ACOX2: variants seen among roughly 807,000 people sequenced by gnomAD.
The protein encoded by ACOX2 is acyl-CoA oxidase 2.
In ACOX2, 59 loss-of-function variants were observed where a neutral mutation model predicts 77.5. The ratio of observed to expected loss-of-function variants is 0.76; its 90% CI spans 0.62 to 0.95. ACOX2 has a LOEUF of 0.95. ACOX2 is among the 40% of genes least tolerant of loss of function. The pLI is 0.00. For missense variants in ACOX2, 837 were observed against 880.4 expected (o/e 0.95, Z 0.62); for synonymous variants, 317 against 340.1 (o/e 0.93, Z 0.75).
In ACOX2 at chr3:58,519,989, TA is replaced by T. The variant is rs1343129370; in HGVS notation, c.1632+2506del. 6.6e-6 allele frequency among the ~76,000 whole-genome samples: 1 copy of T among 152,170 alleles called. No individual in the cohort carries two copies. The highest frequency in any genetic ancestry group is 2.4e-5 in the African/African-American group (1 of 41,430). ...GAGAGCTGCCCAGGGGCCTGGGCCTTAAAAAGCAGGATGAGGATCAGAGACA... is the reference window on the plus strand; with the variant it reads ...GAGAGCTGCCCAGGGGCCTGGGCCTTAAAAGCAGGATGAGGATCAGAGACA... On this transcript the variant is annotated intron_variant, in intron 12 of 14. Coordinates refer to ENST00000302819, the MANE Select transcript of ACOX2 (RefSeq NM_003500.4). The surrounding 1 kb of genome is among the most constrained non-coding windows in gnomAD (Gnocchi z 5.0).
In ACOX2 at chr3:58,506,016, C is replaced by G. The variant is rs563630946; in HGVS notation, c.1984-730G>C. 1.1e-3 allele frequency among the ~76,000 whole-genome samples: 164 copies of G among 152,278 alleles called. 1 individual carries two copies. Among genetic ancestry groups the G allele is most frequent in the African/African-American group, 3.9e-3 (161 of 41,558 alleles). ...ATGTTGGCCAGGTTGGTCTCAAACT[C>G]CTAACCTCAAGTGATCCACCCGCCT... is the stretch of plus-strand genomic sequence containing the variant. On this transcript the variant is annotated intron_variant, in intron 14 of 14. Coordinates refer to ENST00000302819, the MANE Select transcript of ACOX2 (RefSeq NM_003500.4).
chr3:58,524,741 CCTG>C lies in ACOX2; in HGVS notation c.1347-139_1347-137del, dbSNP rs2063382999. The C allele has an allele frequency of 3.1e-6, 3 of 977,134 alleles. No homozygotes were observed. In the African/African-American group the frequency reaches 4.9e-5, roughly 16 times the overall value. The allele number at this position is 977,134 out of a possible 1,614,324, so 60.5% of individuals were successfully genotyped here. A position where few individuals can be genotyped will look rare whatever the true frequency, so the allele number is the denominator to read the frequency against. Reference sequence around the variant, plus strand: ...GGAGAGCCAGGTCACCAGGCCTCTGCCTGGCCTCCCTCCTGAGGGTTCCCCCTC... The same window carrying C: ...GGAGAGCCAGGTCACCAGGCCTCTGCGCCTCCCTCCTGAGGGTTCCCCCTC... On this transcript the variant is annotated intron_variant, in intron 10 of 14. Transcript: ENST00000302819. This position sits in a 1 kb window ranked among gnomAD's most constrained non-coding sequence, Gnocchi z 5.5.
intron 12 of ACOX2, among the ~76,000 whole-genome samples, chr3:58,518,169 CAT>C (rs1491439701): frequency 2.6e-5 from 4 of 151,030 alleles, no homozygotes; most frequent in Non-Finnish European, 4.4e-5. Context: ...TGTGCGTGCA[CAT>C]GTGTGCACCA....
chr3:58,530,414 TGGGAC>T, intron 8 of ACOX2, 47 bp downstream of exon 8: 2 of 1,585,990 alleles, frequency 1.3e-6, no homozygotes, highest in East Asian at 4.5e-5. Context: ...GGAGGCACTG[TGGGAC>T]CAAGAGGCAG....
chr3:58,530,112 C>T (rs1390126909), intron 8 of ACOX2, among the ~76,000 whole-genome samples: 1 of 152,268 alleles, frequency 6.6e-6, no homozygotes, highest in Non-Finnish European at 1.5e-5. Context: ...GACCCAGACC[C>T]GTCCAACCCG....
At position 58,526,421 on chromosome 3, in the gene ACOX2, G is replaced by T; in HGVS notation, c.1346+45C>A. On this transcript the variant is annotated intron_variant, in intron 10 of 14. Transcript: ENST00000302819. The surrounding 1 kb of genome is among the most constrained non-coding windows in gnomAD (Gnocchi z 4.3). Reference sequence around the variant, plus strand: ...CCTCCACCCAACAGAAGCTTGGTGGGTCCCCAAGGGCTTGGGCAAAGGCCT... The same window carrying T: ...CCTCCACCCAACAGAAGCTTGGTGGTTCCCCAAGGGCTTGGGCAAAGGCCT... 6.4e-7 allele frequency: 1 copy of T among 1,554,918 alleles called. No individual in the cohort carries two copies.
At chr3:58,529,641 C>T (rs1406176468) in intron 8 of ACOX2, among the ~76,000 whole-genome samples, 2 of 152,218 alleles carry the variant, frequency 1.3e-5, no homozygotes, top group Non-Finnish European at 2.9e-5. Flanking sequence ...GCAGAAGCCC[C>T]TTCTTCCCAG....
chr3:58,521,385 G>GTTAT lies in ACOX2; in HGVS notation c.1632+1107_1632+1110dup. Among the ~76,000 whole-genome samples the GTTAT allele has an allele frequency of 6.6e-6, 1 of 152,236 alleles. No homozygotes were observed. The highest frequency in any genetic ancestry group is 1.5e-5 in the Non-Finnish European group (1 of 68,040). ...TTGGCGTGATCACTTTAGTTTTCCAGTTATTGGCGGTGCCAGAGTCCCAGC... is the reference window on the plus strand; with the variant it reads ...TTGGCGTGATCACTTTAGTTTTCCAGTTATTTATTGGCGGTGCCAGAGTCCCAGC... On this transcript the variant is annotated intron_variant, in intron 12 of 14. Transcript: ENST00000302819. The surrounding 1 kb of genome is among the most constrained non-coding windows in gnomAD (Gnocchi z 4.8).
chr3:58,533,994 C>A lies in ACOX2; in HGVS notation c.475G>T (p.Gly159Trp). 6.2e-7 allele frequency: 1 copy of A among 1,614,144 alleles called. No individual in the cohort carries two copies. The highest frequency in any genetic ancestry group is 1.1e-5 in the South Asian group (1 of 91,076). The change falls in exon 4 of 15, where the codon GGG (glycine) becomes TGG (tryptophan). Residue 159 changes from glycine (G) to tryptophan (W), a missense_variant and splice_region_variant. Physicochemically the swap from Gly to Trp is radical, Grantham distance 184. Coordinates refer to ENST00000302819, the MANE Select transcript of ACOX2 (RefSeq NM_003500.4). The surrounding 1 kb of genome is among the most constrained non-coding windows in gnomAD (Gnocchi z 5.6). The stretch of plus-strand genomic sequence containing the variant: ...ACCACACGCAGCAGTCCTAGCTCAC[C>A]ATGTCCCAACTCTGTCTGTGCATAC... ...ATYAQTELGH[G>W]TYLQGLETEA...
chr3:58,536,465 C>T lies in ACOX2; in HGVS notation c.-92+654G>A, dbSNP rs562914170. On this transcript the variant is annotated intron_variant, in intron 1 of 14. Transcript: ENST00000302819. ...AGACTTTATAAGGGTCATGCAACCA[C>T]ATGTAGCAAATGATTCATATGAGGC... 1.8e-4 allele frequency among the ~76,000 whole-genome samples: 28 copies of T among 152,292 alleles called. No individual in the cohort carries two copies. The South Asian group carries it at 5.6e-3, about 30-fold the overall frequency.
chr3:58,519,339 G>A lies in ACOX2; in HGVS notation c.1633-1916C>T, dbSNP rs1307599322. 2.0e-5 allele frequency among the ~76,000 whole-genome samples: 3 copies of A among 151,854 alleles called. No homozygotes were observed. The highest frequency in any genetic ancestry group is 6.6e-5 in the Admixed American group (1 of 15,248). ...GTGGAGGTTGCAGTGAGCTGAGACC[G>A]TGCCACTGCACTCCAGCCTGGGTGG... On this transcript the variant is annotated intron_variant, in intron 12 of 14. Transcript: ENST00000302819. This position sits in a 1 kb window ranked among gnomAD's most constrained non-coding sequence, Gnocchi z 5.0.
At position 58,515,117 on chromosome 3, in the gene ACOX2, G is replaced by A. The variant is rs1390208790; in HGVS notation, c.1850+2089C>T. Among the ~76,000 whole-genome samples the A allele has an allele frequency of 2.6e-5, 4 of 152,042 alleles. No individual in the cohort carries two copies. The highest frequency in any genetic ancestry group is 4.1e-4 in the South Asian group (2 of 4,830). ...TGGCTCACGGCAGCCTCTGCCTCCCGGGTTCAAGCGATTCTGCCTCAGCCT... is the reference window on the plus strand; with the variant it reads ...TGGCTCACGGCAGCCTCTGCCTCCCAGGTTCAAGCGATTCTGCCTCAGCCT... On this transcript the variant is annotated intron_variant, in intron 13 of 14. Coordinates refer to ENST00000302819, the MANE Select transcript of ACOX2 (RefSeq NM_003500.4). This position sits in a 1 kb window ranked among gnomAD's most constrained non-coding sequence, Gnocchi z 4.0.
chr3:58,520,704 G>C (rs2063352523), intron 12 of ACOX2, among the ~76,000 whole-genome samples: 1 of 152,234 alleles, frequency 6.6e-6, no homozygotes, highest in South Asian at 2.1e-4. Flanking sequence ...ACAAAGCACA[G>C]AGAGTACAGA....
intron 14 of ACOX2, among the ~76,000 whole-genome samples, chr3:58,507,665 A>G (rs1476353208): frequency 6.6e-6 from 1 of 152,230 alleles, no homozygotes; most frequent in African/African-American, 2.4e-5. Context: ...TTTTATGCCA[A>G]GATTGAAATG....
rs147528626 is a variant in ACOX2, at chr3:58,517,404, G to A, written c.1652C>T (p.Thr551Ile). The change falls in exon 13 of 15, where the codon ACT becomes ATT. Residue 551 changes from threonine to isoleucine, a missense_variant. Coordinates refer to ENST00000302819, the MANE Select transcript of ACOX2 (RefSeq NM_003500.4). ...QAAKVHCYYV[T>I]VKGFTEALEK... Reference sequence around the variant, plus strand: ...CAGAGCTTCTGTAAAACCCTTCACAGTGACATAGTAGCAGTGCACCTACAA... The same window carrying A: ...CAGAGCTTCTGTAAAACCCTTCACAATGACATAGTAGCAGTGCACCTACAA... 2.8e-5 allele frequency: 46 copies of A among 1,614,126 alleles called. No individual in the cohort carries two copies. The African/African-American group carries it at 5.9e-4, about 21-fold the overall frequency.
rs2063306947 is a variant in ACOX2 at position 58,514,271 on chromosome 3, T to G, written c.1850+2935A>C. Among the ~76,000 whole-genome samples the G allele has an allele frequency of 6.6e-6, 1 of 152,182 alleles. No individual in the cohort carries two copies. The highest frequency in any genetic ancestry group is 1.5e-5 in the Non-Finnish European group (1 of 68,030). On this transcript the variant is annotated intron_variant, in intron 13 of 14. Transcript: ENST00000302819. This position sits in a 1 kb window ranked among gnomAD's most constrained non-coding sequence, Gnocchi z 4.3. ...GCCTGGACAACACAGAGACAACATC[T>G]CTTTCTCTTTGTGGGTTTATGCCTT...
intron 14 of ACOX2, among the ~76,000 whole-genome samples, chr3:58,508,423 C>T (rs1178107805): frequency 2.0e-5 from 3 of 152,212 alleles, no homozygotes; most frequent in African/African-American, 7.2e-5. Flanking sequence ...GGTATCATCT[C>T]TAGCAGGCAA....
Position 58,517,412 on chromosome 3 carries a change from GT to G in ACOX2, c.1643del (p.Tyr548SerfsTer5). 6.2e-7 allele frequency: 1 copy of G among 1,614,022 alleles called. No homozygotes were observed. Among genetic ancestry groups the G allele is most frequent in the Non-Finnish European group, 8.5e-7 (1 of 1,179,932 alleles). On this transcript the variant is annotated frameshift_variant, in exon 13 of 15. Transcript: ENST00000302819. LOFTEE classifies it high-confidence loss of function. ...CTGTAAAACCCTTCACAGTGACATAGTAGCAGTGCACCTACAAAGACACAAA... is the reference window on the plus strand; with the variant it reads ...CTGTAAAACCCTTCACAGTGACATAGAGCAGTGCACCTACAAAGACACAAA... ...IHLQAAKVHC[Y>X]YVTVKGFTEA...
intron 8 of ACOX2, among the ~76,000 whole-genome samples, chr3:58,530,018 G>T (rs944890740): frequency 6.6e-6 from 1 of 152,212 alleles, no homozygotes; most frequent in East Asian, 1.9e-4. Context: ...GCCACACACA[G>T]TCGATATGAT....
Sources: allele counts gnomAD v4.1 joint callset (sites outside exome capture counted in the v4.1 genomes callset), GRCh38; gene constraint gnomAD v4.1.1; non-coding constraint Gnocchi (gnomAD v3.1); transcripts MANE v1.5; gene names NCBI Gene and HGNC (gene_info 2026-07-23, HGNC 2026-07-21).